PCDHGA11: variants seen among roughly 807,000 people sequenced by gnomAD.
PCDHGA11 encodes the protein protocadherin gamma-A11.
A neutral mutation model predicts 60.4 loss-of-function variants in PCDHGA11; 39 were observed. The ratio of observed to expected loss-of-function variants is 0.65; its 90% CI spans 0.50 to 0.84. The LOEUF is 0.84. Ranked by LOEUF, PCDHGA11 falls within the 40% of genes least tolerant of loss-of-function variation. The pLI is 0.00. For missense variants in PCDHGA11, 1,165 were observed against 1,197.7 expected, an observed-to-expected ratio of 0.97 and a Z score of 0.40; for synonymous variants, 533 against 510.3, an observed-to-expected ratio of 1.04 and a Z score of -0.60.
At chr5:141,463,412 A>G (rs1397215687) in intron 1 of PCDHGA11, among the ~76,000 whole-genome samples, 9 of 127,856 alleles carry the variant, frequency 7.0e-5, no homozygotes, top group Non-Finnish European at 1.5e-4. Flanking sequence ...TGGAGATCCT[A>G]GTTTGCGGAT....
intron 1 of PCDHGA11, chr5:141,441,116 C>G (rs1358636787): frequency 3.3e-5 from 5 of 152,156 alleles, no homozygotes; most frequent in Non-Finnish European, 7.3e-5. Context: ...GTCCAGTGTA[C>G]AGTTGAGACC....
chr5:141,424,797 C>G (rs1262781875), intron 1 of PCDHGA11: 1 of 151,908 alleles, frequency 6.6e-6, no homozygotes, highest in Non-Finnish European at 1.5e-5. Flanking sequence ...TTATTCAGAC[C>G]AACTTGTTAT....
intron 1 of PCDHGA11, among the ~76,000 whole-genome samples, chr5:141,455,172 G>GT (rs1344126228): frequency 3.3e-5 from 5 of 150,340 alleles, no homozygotes; most frequent in South Asian, 4.2e-4. Context: ...TTTTTTTTTA[G>GT]TTTTTTTATT....
intron 1 of PCDHGA11, among the ~76,000 whole-genome samples, chr5:141,456,818 G>A (rs1214373156): frequency 1.3e-5 from 2 of 151,890 alleles, no homozygotes; most frequent in Admixed American, 6.6e-5. Context: ...CAAAAAATTA[G>A]CCATCGTGGT....
chr5:141,441,973 C>A lies in PCDHGA11; in HGVS notation c.2433+18313C>A, dbSNP rs1457832429. The A allele has an allele frequency of 3.7e-5, 11 of 296,542 alleles. No individual in the cohort carries two copies. In the Admixed American group the frequency reaches 4.9e-4, roughly 13 times the overall value. 18.4% of individuals were successfully genotyped at this position (296,542 alleles called of 1,614,324 possible). A position where few individuals can be genotyped will look rare whatever the true frequency, so the allele number is the denominator to read the frequency against. ...GGCCAGCAAGCCCAGGCTCTTCAGC[C>A]TGGAATGCGCACCGACGAGGTGCTG... On this transcript the variant is annotated intron_variant, in intron 1 of 3. Coordinates refer to ENST00000398587, the MANE Select transcript of PCDHGA11 (RefSeq NM_018914.3).
rs749086929 is a variant in PCDHGA11, at chr5:141,485,998, T to A, written c.2434-8809T>A. ...CAGACCCGGACCTGGGTCCCAGTGG[T>A]AACGTCACCTTTTATTTCAGTGGTC... On this transcript the variant is annotated intron_variant, in intron 1 of 3. Transcript: ENST00000398587. The surrounding 1 kb of genome is among the most constrained non-coding windows in gnomAD (Gnocchi z 5.7). 2.4e-5 allele frequency: 38 copies of A among 1,614,068 alleles called. No individual in the cohort carries two copies. Among genetic ancestry groups the A allele is most frequent in the Non-Finnish European group, 3.1e-5 (37 of 1,180,046 alleles).
chr5:141,460,092 T>C (rs186695697), intron 1 of PCDHGA11, among the ~76,000 whole-genome samples: 37 of 152,056 alleles, frequency 2.4e-4, no homozygotes, highest in Admixed American at 9.8e-4. Context: ...ATAATAATTA[T>C]ACATGTAATT....
chr5:141,423,880 G>C, intron 1 of PCDHGA11: 1 of 1,282,292 alleles, frequency 7.8e-7, no homozygotes, highest in Non-Finnish European at 9.9e-7. Context: ...TTTCAATCTT[G>C]GCATATTTTC....
Position 141,432,014 on chromosome 5 carries a change from AACATC to A in PCDHGA11, c.2433+8358_2433+8362del. ...GGATAGGGAACAGGTTCCTAGCTAC[AACATC>A]ACAGTGACCGCCACTGACCGGGGAA... On this transcript the variant is annotated intron_variant, in intron 1 of 3. Transcript: ENST00000398587. This position sits in a 1 kb window ranked among gnomAD's most constrained non-coding sequence, Gnocchi z 6.0. 6.2e-7 allele frequency: 1 copy of A among 1,614,078 alleles called. No individual in the cohort carries two copies. The highest frequency in any genetic ancestry group is 8.5e-7 in the Non-Finnish European group (1 of 1,180,036).
chr5:141,484,426 C>T (rs377504062), intron 1 of PCDHGA11, among the ~76,000 whole-genome samples: 1 of 152,188 alleles, frequency 6.6e-6, no homozygotes, highest in African/African-American at 2.4e-5. Context: ...ACAATGAGAA[C>T]ATGTACTGCA....
rs1328089059 is a variant in PCDHGA11, at chr5:141,478,532, G to A, written c.2434-16275G>A. 4.4e-6 allele frequency: 7 copies of A among 1,607,742 alleles called. No homozygotes were observed. The East Asian group carries it at 1.6e-4, about 36-fold the overall frequency. On this transcript the variant is annotated intron_variant, in intron 1 of 3. Coordinates refer to ENST00000398587, the MANE Select transcript of PCDHGA11 (RefSeq NM_018914.3). Reference sequence around the variant, plus strand: ...TAGGCAGGTGTTGGGTGCAGAGAGCGCCCCTCCCGGACAGGTAAGGTTTAG... The same window carrying A: ...TAGGCAGGTGTTGGGTGCAGAGAGCACCCCTCCCGGACAGGTAAGGTTTAG...
chr5:141,437,262 G>A (rs1490690532), intron 1 of PCDHGA11, among the ~76,000 whole-genome samples: 1 of 152,152 alleles, frequency 6.6e-6, no homozygotes, highest in Non-Finnish European at 1.5e-5. Flanking sequence ...CTTTTTATGT[G>A]TATGACAGAT....
rs1210429084 is a variant in PCDHGA11 at position 141,487,045 on chromosome 5, T to C, written c.2434-7762T>C. 2 of 1,614,088 alleles carry C rather than the reference T, an allele frequency of 1.2e-6. No individual in the cohort carries two copies. Among genetic ancestry groups the C allele is most frequent in the Non-Finnish European group, 1.7e-6 (2 of 1,180,036 alleles). On this transcript the variant is annotated intron_variant, in intron 1 of 3. Coordinates refer to ENST00000398587, the MANE Select transcript of PCDHGA11 (RefSeq NM_018914.3). This position sits in a 1 kb window ranked among gnomAD's most constrained non-coding sequence, Gnocchi z 5.0. ...CCAGCCTGTTTGCAGTCTCTCGATA[T>C]GCTGGGGAGGTGCGGACGGCTGTTC...
intron 1 of PCDHGA11, among the ~76,000 whole-genome samples, chr5:141,437,573 G>A (rs923321760): frequency 1.3e-5 from 2 of 152,164 alleles, no homozygotes; most frequent in African/African-American, 4.8e-5. Flanking sequence ...GAGTATAGCT[G>A]TGATCATGAA....
intron 1 of PCDHGA11, among the ~76,000 whole-genome samples, chr5:141,462,160 A>T (rs575238638): frequency 4.6e-5 from 7 of 152,122 alleles, no homozygotes; most frequent in Non-Finnish European, 1.0e-4. Flanking sequence ...GGGTTTCATC[A>T]TGTTGGCCAG....
Position 141,489,662 on chromosome 5 carries a change from G to T in PCDHGA11, c.2434-5145G>T, listed in dbSNP as rs2233601. On this transcript the variant is annotated intron_variant, in intron 1 of 3. Transcript: ENST00000398587. The surrounding 1 kb of genome is among the most constrained non-coding windows in gnomAD (Gnocchi z 4.5). Reference sequence around the variant, plus strand: ...TTTGCCACCCCTGAGCGAGAGATGCGCATCTCAGAATCAGCAGCATCTGGG... The same window carrying T: ...TTTGCCACCCCTGAGCGAGAGATGCTCATCTCAGAATCAGCAGCATCTGGG... 2.5e-6 allele frequency: 4 copies of T among 1,614,024 alleles called. No homozygotes were observed. The African/African-American group carries it at 4.0e-5, about 16-fold the overall frequency.
intron 1 of PCDHGA11, among the ~76,000 whole-genome samples, chr5:141,429,880 G>A (rs1209368869): frequency 6.6e-6 from 1 of 152,104 alleles, no homozygotes; most frequent in Non-Finnish European, 1.5e-5. Context: ...CTTTTACTAA[G>A]TTTCCTGAAC....
In PCDHGA11 at chr5:141,485,956, C is replaced by T. The variant is rs1430530851; in HGVS notation, c.2434-8851C>T. 1 of 1,614,150 alleles carries T rather than the reference C, an allele frequency of 6.2e-7. No individual in the cohort carries two copies. Among genetic ancestry groups the T allele is most frequent in the South Asian group, 1.1e-5 (1 of 91,074 alleles). ...AGAGCGCACCAGCGGGCATGGTGCT[C>T]ATCCAGCTCAATGCCTCAGACCCGG... On this transcript the variant is annotated intron_variant, in intron 1 of 3. Coordinates refer to ENST00000398587, the MANE Select transcript of PCDHGA11 (RefSeq NM_018914.3). This position sits in a 1 kb window ranked among gnomAD's most constrained non-coding sequence, Gnocchi z 5.7.
rs71576115 is a variant in PCDHGA11, at chr5:141,463,438, CTTTT to C, written c.2434-31344_2434-31341del. Among the ~76,000 whole-genome samples, 12 of 103,242 alleles carry C rather than the reference CTTTT, an allele frequency of 1.2e-4. No homozygotes were observed. In the South Asian group the frequency reaches 1.6e-3, roughly 14 times the overall value. 67.7% of individuals were successfully genotyped at this position (103,242 alleles called of 152,430 possible). ...GTTTGCGGATCCTCATTTCCTTCTCCTTTTTTTTTTTTTTTTTTTTTTTTTTTTG... is the reference window on the plus strand; with the variant it reads ...GTTTGCGGATCCTCATTTCCTTCTCCTTTTTTTTTTTTTTTTTTTTTTTTG... On this transcript the variant is annotated intron_variant, in intron 1 of 3. Coordinates refer to ENST00000398587, the MANE Select transcript of PCDHGA11 (RefSeq NM_018914.3).
Sources: allele counts gnomAD v4.1 joint callset (sites outside exome capture counted in the v4.1 genomes callset), GRCh38; gene constraint gnomAD v4.1.1; non-coding constraint Gnocchi (gnomAD v3.1); transcripts MANE v1.5; gene names NCBI Gene and HGNC (gene_info 2026-07-23, HGNC 2026-07-21).